The following RPGRIP1L variants were observed in gnomAD, a reference collection of about 807,000 sequenced individuals.
RPGRIP1L encodes the protein RPGRIP1 like, also known as protein fantom.
In RPGRIP1L, 131 loss-of-function variants were observed where a neutral mutation model predicts 160.4. The observed-to-expected ratio is 0.82, with a 90% confidence interval of 0.71 to 0.94. The LOEUF is 0.94. Ranked by LOEUF, RPGRIP1L falls within the 40% of genes least tolerant of loss-of-function variation. RPGRIP1L has a pLI of 0.00. For missense variants in RPGRIP1L, 1,522 were observed against 1,535.8 expected (o/e 0.99, Z 0.15); for synonymous variants, 510 against 515.8 (o/e 0.99, Z 0.15).
At chr16:53,625,499 C>T (rs1474358332) in intron 22 of RPGRIP1L, among the ~76,000 whole-genome samples, 3 of 143,996 alleles carry the variant, frequency 2.1e-5, no homozygotes, top group East Asian at 4.5e-4. Flanking sequence ...CTCCGCCCAG[C>T]GGCCGCCCCG....
intron 15 of RPGRIP1L, among the ~76,000 whole-genome samples, chr16:53,649,692 T>C (rs1007306298): frequency 3.9e-5 from 6 of 152,294 alleles, no homozygotes; most frequent in East Asian, 3.9e-4. Flanking sequence ...TCCTCTCAAC[T>C]CAGGCAGCTC....
chr16:53,622,799 C>CCCCACACACA (rs1964821112), intron 22 of RPGRIP1L, among the ~76,000 whole-genome samples: 1 of 135,810 alleles, frequency 7.4e-6, no homozygotes, highest in African/African-American at 2.9e-5. Flanking sequence ...AAAACAAAAA[C>CCCCACACACA]CACACACACA....
chr16:53,633,613 A>G lies in RPGRIP1L; in HGVS notation c.3294+2826T>C, dbSNP rs144808910. On this transcript the variant is annotated intron_variant, in intron 22 of 26. Coordinates refer to ENST00000647211, the MANE Select transcript of RPGRIP1L (RefSeq NM_015272.5). Reference sequence around the variant, plus strand: ...AATTCTAATGAAAACCGTAGATTAGATAACAATATTATATAATTGTTCTGA... The same window carrying G: ...AATTCTAATGAAAACCGTAGATTAGGTAACAATATTATATAATTGTTCTGA... Among the ~76,000 whole-genome samples the G allele has an allele frequency of 3.5e-3, 532 of 152,390 alleles. 1 individual carries two copies. Among genetic ancestry groups the G allele is most frequent in the Non-Finnish European group, 5.8e-3 (394 of 68,040 alleles).
rs1437795784 is a variant in RPGRIP1L at position 53,600,870 on chromosome 16, G to A, written c.*1206C>T. On this transcript the variant is annotated 3_prime_UTR_variant, in exon 27 of 27. Coordinates refer to ENST00000647211, the MANE Select transcript of RPGRIP1L (RefSeq NM_015272.5). Reference sequence around the variant, plus strand: ...CTGAAGCAGAGATTTAATATATCACGGCAAATTAGGTAGATTTTAATAAAT... The same window carrying A: ...CTGAAGCAGAGATTTAATATATCACAGCAAATTAGGTAGATTTTAATAAAT... 2.0e-5 allele frequency: 3 copies of A among 152,392 alleles called. No homozygotes were observed. The highest frequency in any genetic ancestry group is 4.4e-5 in the Non-Finnish European group (3 of 67,994). 9.4% of individuals were successfully genotyped at this position (152,392 alleles called of 1,614,324 possible).
chr16:53,603,674 ATG>A (rs3035223), intron 26 of RPGRIP1L, among the ~76,000 whole-genome samples: 7,090 of 147,972 alleles, frequency 0.048, 215 homozygotes, highest in Middle Eastern at 0.085. Context: ...TTGAACTTTA[ATG>A]TGTGTGTGTG....
rs1472949647 is a variant in RPGRIP1L at position 53,649,096 on chromosome 16, T to C, written c.2172A>G (p.Pro724=). The change falls in exon 16 of 27, where the codon CCA becomes CCG. Residue 724 remains proline (P), a synonymous_variant. Coordinates refer to ENST00000647211, the MANE Select transcript of RPGRIP1L (RefSeq NM_015272.5). ...ACCAGTATTCCACTGTGCCAAAATT[T>C]GGGATGTCTCCTTTTGTTCCTACAA... The part of the protein sequence containing the change: ...ASLIGTKGDI[P]NFGTVEYWFR... The C allele has an allele frequency of 6.2e-7, 1 of 1,614,092 alleles. No homozygotes were observed. The highest frequency in any genetic ancestry group is 2.2e-5 in the East Asian group (1 of 44,862).
chr16:53,684,706 C>G (rs192354522), intron 6 of RPGRIP1L, among the ~76,000 whole-genome samples: 41 of 150,874 alleles, frequency 2.7e-4, no homozygotes, highest in Middle Eastern at 6.8e-3. Context: ...CAAACCTGCA[C>G]GTTGTGCACA....
intron 22 of RPGRIP1L, among the ~76,000 whole-genome samples, chr16:53,634,046 A>G (rs1965681759): frequency 6.6e-6 from 1 of 152,208 alleles, no homozygotes; most frequent in South Asian, 2.1e-4. Context: ...GGAGACTGGG[A>G]AGTCCAAGAT....
chr16:53,663,944 T>C (rs1215721824), intron 10 of RPGRIP1L, among the ~76,000 whole-genome samples: 2 of 152,136 alleles, frequency 1.3e-5, no homozygotes, highest in Admixed American at 6.6e-5. Context: ...AAATATGGCA[T>C]TGTGGTCTAA....
Position 53,656,576 on chromosome 16 carries a change from G to A in RPGRIP1L, c.1595C>T (p.Ala532Val). The part of the protein sequence containing the change: ...INKDYQMEVE[A>V]VTRKMENLQQ... ...CAAATTTTCCATCTTACGGGTCACT[G>A]CCTCAACCTCCATCTACAAAATAAG... The change falls in exon 14 of 27, where the codon GCA becomes GTA. Residue 532 changes from alanine (A) to valine (V), a missense_variant. Physicochemically the swap from Ala to Val is moderately conservative, Grantham distance 64. Transcript: ENST00000647211. The A allele has an allele frequency of 6.2e-7, 1 of 1,610,140 alleles. No homozygotes were observed.
At chr16:53,652,296 C>T (rs1006914562) in intron 15 of RPGRIP1L, among the ~76,000 whole-genome samples, 7 of 152,248 alleles carry the variant, frequency 4.6e-5, no homozygotes, top group Admixed American at 3.9e-4. Context: ...TGGTCTTGAA[C>T]TCCTGGCCTC....
chr16:53,661,957 T>G (rs1175123916), intron 10 of RPGRIP1L, among the ~76,000 whole-genome samples: 1 of 152,172 alleles, frequency 6.6e-6, no homozygotes, highest in African/African-American at 2.4e-5. Flanking sequence ...ATTTGGGACA[T>G]AACTCCTGGG....
In RPGRIP1L at chr16:53,692,374, T is replaced by C. The variant is rs1970449618; in HGVS notation, c.231-10A>G. 2.5e-6 allele frequency: 4 copies of C among 1,611,918 alleles called. No homozygotes were observed. The highest frequency in any genetic ancestry group is 2.2e-5 in the South Asian group (2 of 91,024). ...TAACTTGGTGGCCATTCTGGGGAAATAATAAAAAGATGAAAAGGAATGTGA... is the reference window on the plus strand; with the variant it reads ...TAACTTGGTGGCCATTCTGGGGAAACAATAAAAAGATGAAAAGGAATGTGA... On this transcript the variant is annotated splice_polypyrimidine_tract_variant and intron_variant, in intron 3 of 26. Coordinates refer to ENST00000647211, the MANE Select transcript of RPGRIP1L (RefSeq NM_015272.5).
chr16:53,612,910 T>C (rs927178919), intron 24 of RPGRIP1L, among the ~76,000 whole-genome samples: 1 of 152,182 alleles, frequency 6.6e-6, no homozygotes, highest in African/African-American at 2.4e-5. Flanking sequence ...AACTTTCCAT[T>C]CTTCCCTCTT....
chr16:53,692,150 G>A lies in RPGRIP1L; in HGVS notation c.445C>T (p.Pro149Ser). 6.2e-7 allele frequency: 1 copy of A among 1,613,856 alleles called. No individual in the cohort carries two copies. The highest frequency in any genetic ancestry group is 1.1e-5 in the South Asian group (1 of 91,062). The change falls in exon 4 of 27, where the codon CCA becomes TCA. Residue 149 changes from proline to serine, a missense_variant. Pro to Ser is a moderately conservative substitution (Grantham distance 74). Transcript: ENST00000647211. Reference sequence around the variant, plus strand: ...ATACGAGATTGTACATTATTGTATGGAGTTTGCCTGTAACCCTGGGTTTGA... The same window carrying A: ...ATACGAGATTGTACATTATTGTATGAAGTTTGCCTGTAACCCTGGGTTTGA... The part of the protein sequence containing the change: ...QLQTQGYRQT[P>S]YNNVQSRINT...
At chr16:53,693,532 T>C (rs1335366770) in intron 3 of RPGRIP1L, 1 of 152,226 alleles carries the variant, frequency 6.6e-6, no homozygotes, top group Non-Finnish European at 1.5e-5. Flanking sequence ...GGGAGAGCTA[T>C]GCATAACATA....
intron 22 of RPGRIP1L, among the ~76,000 whole-genome samples, chr16:53,629,604 C>T (rs912081177): frequency 6.6e-6 from 1 of 152,192 alleles, no homozygotes; most frequent in Non-Finnish European, 1.5e-5. Context: ...CATTTTAGTA[C>T]AGAATTAGCT....
chr16:53,612,528 G>C lies in RPGRIP1L; in HGVS notation c.3617-1477C>G, dbSNP rs1431443192. 4.6e-5 allele frequency among the ~76,000 whole-genome samples: 6 copies of C among 129,568 alleles called. No homozygotes were observed. The Admixed American group carries it at 5.1e-4, about 11-fold the overall frequency. The allele number at this position is 129,568 out of a possible 152,430, so 85.0% of individuals were successfully genotyped here. The stretch of plus-strand genomic sequence containing the variant: ...TTTTTGCTGTTAATTACCAATTCAA[G>C]ATGTGGCACACCATATTGTTTTTGA... On this transcript the variant is annotated intron_variant, in intron 24 of 26. Transcript: ENST00000647211.
Position 53,652,716 on chromosome 16 carries a change from G to T in RPGRIP1L, c.1971C>A (p.Phe657Leu), listed in dbSNP as rs138669723. 1.9e-6 allele frequency: 3 copies of T among 1,614,040 alleles called. No individual in the cohort carries two copies. Among genetic ancestry groups the T allele is most frequent in the South Asian group, 2.2e-5 (2 of 91,094 alleles). Residue 657 changes from phenylalanine to leucine, a missense_variant, in exon 15 of 27, where the codon TTC becomes TTA. Coordinates refer to ENST00000647211, the MANE Select transcript of RPGRIP1L (RefSeq NM_015272.5). ...VVRGLHPEYNFTSQYLVHVND... is the reference protein window; with the variant it reads ...VVRGLHPEYNLTSQYLVHVND... The stretch of plus-strand genomic sequence containing the variant: ...TAACATGAACAAGATATTGAGAAGT[G>T]AAGTTATATTCGGGATGAAGGCCTC...
Sources: gnomAD v4.1 joint callset for allele counts (sites outside exome capture counted in the v4.1 genomes callset) on GRCh38, gnomAD v4.1.1 for gene constraint, MANE v1.5 for transcripts, NCBI Gene and HGNC (gene_info 2026-07-23, HGNC 2026-07-21) for gene names.